Variants in ZNF536 observed in about 807,000 individuals in gnomAD.
ZNF536 encodes zinc finger protein 536.
In ZNF536, 13 loss-of-function variants were observed where a neutral mutation model predicts 84.5. The ratio of observed to expected loss-of-function variants is 0.15; its 90% confidence interval spans 0.10 to 0.24. The LOEUF (loss-of-function observed/expected upper bound fraction) is 0.24, where lower values mean the gene tolerates loss of function less well. Among genes scored for constraint, ZNF536 ranks in the 10% least tolerant of loss-of-function variants. The pLI, the probability that ZNF536 is intolerant of heterozygous loss-of-function variation, is 1.00. For missense variants in ZNF536, 1,536 were observed against 1,747.5 expected (o/e 0.88, Z 2.16); for synonymous variants, 811 against 742.5 (o/e 1.09, Z -1.50).
At chr19:30,315,157 A>C (rs1433162448) in intron 2 of ZNF536, among the ~76,000 whole-genome samples, 3 of 152,210 alleles carry the variant, frequency 2.0e-5, no homozygotes, top group African/African-American at 7.2e-5. Flanking sequence ...CAGCACCTAG[A>C]AGCTTGCTCA....
At chr19:30,229,606 G>A (rs1176811427) in intron 1 of ZNF536, among the ~76,000 whole-genome samples, 2 of 152,290 alleles carry the variant, frequency 1.3e-5, no homozygotes, top group African/African-American at 2.4e-5. Context: ...GGGAGTCGCA[G>A]GGGGTCGCCC....
intron 1 of ZNF536, among the ~76,000 whole-genome samples, chr19:30,639,140 A>C (rs2049175376): frequency 6.6e-6 from 1 of 152,176 alleles, no homozygotes; most frequent in Non-Finnish European, 1.5e-5. Context: ...TGTTCCTGGT[A>C]ATTTTTATCA....
chr19:30,349,725 C>G (rs1600332443), intron 2 of ZNF536, among the ~76,000 whole-genome samples: 1 of 152,104 alleles, frequency 6.6e-6, no homozygotes. Context: ...GCCTGTTACT[C>G]TGCTTGATTT....
At chr19:30,625,064 G>A (rs1474434384) in intron 1 of ZNF536, among the ~76,000 whole-genome samples, 2 of 152,182 alleles carry the variant, frequency 1.3e-5, no homozygotes, top group African/African-American at 2.4e-5. Context: ...CAGGTCTTGG[G>A]CAGTATCTTT....
chr19:30,653,816 G>A (rs895863734), intron 1 of ZNF536, among the ~76,000 whole-genome samples: 2 of 152,306 alleles, frequency 1.3e-5, no homozygotes, highest in Middle Eastern at 3.4e-3. Flanking sequence ...TGCAGACAGG[G>A]AAGTTAGACC....
At chr19:30,460,945 T>C (rs191318894) in intron 2 of ZNF536, among the ~76,000 whole-genome samples, 2 of 152,210 alleles carry the variant, frequency 1.3e-5, no homozygotes, top group East Asian at 3.9e-4. Flanking sequence ...CTTCCCCAGG[T>C]AGAAACAAGA....
intron 2 of ZNF536, among the ~76,000 whole-genome samples, chr19:30,522,267 A>ATGTGTATATATATATATATGTG (rs138930737): frequency 2.1e-5 from 2 of 95,438 alleles, no homozygotes; most frequent in African/African-American, 7.0e-5. Flanking sequence ...ATATACATAT[A>ATGTGTATATATATATATATGTG]TATATACATA....
intron 1 of ZNF536, among the ~76,000 whole-genome samples, chr19:30,627,808 G>T (rs533145625): frequency 6.6e-6 from 1 of 152,186 alleles, no homozygotes; most frequent in Admixed American, 6.5e-5. Flanking sequence ...GATGGGCGGA[G>T]GACCAGTGAG....
chr19:30,570,198 C>T (rs1003445743), intron 1 of ZNF536, among the ~76,000 whole-genome samples: 3 of 152,184 alleles, frequency 2.0e-5, no homozygotes, highest in African/African-American at 7.2e-5. Context: ...AAGTGGCGTG[C>T]CCTGCCATGC....
In ZNF536 at chr19:30,601,385, G is replaced by T. The variant is rs73028860; in HGVS notation, c.169+51871G>T. On this transcript the variant is annotated intron_variant, in intron 1 of 1. Transcript: ENST00000592773. ...AAAGTCCGTGTTCGTGAGTCACGTG[G>T]GCAGCAGATTCATGGCAGGATTAGG... Among the ~76,000 whole-genome samples, 1,001 of 152,264 alleles carry T rather than the reference G, an allele frequency of 6.6e-3. 9 individuals carry two copies. Among genetic ancestry groups the T allele is most frequent in the Non-Finnish European group, 9.6e-3 (656 of 68,018 alleles).
intron 2 of ZNF536, among the ~76,000 whole-genome samples, chr19:30,507,022 T>C (rs2055201658): frequency 6.6e-6 from 1 of 152,254 alleles, no homozygotes. Flanking sequence ...TCTTGTGATC[T>C]GCTTTTGCCA....
intron 3 of ZNF536, among the ~76,000 whole-genome samples, chr19:30,541,830 T>G (rs2045342912): frequency 6.6e-6 from 1 of 152,192 alleles, no homozygotes; most frequent in African/African-American, 2.4e-5. Context: ...GAGACACAGA[T>G]TGTCCCCTTC....
intron 1 of ZNF536, among the ~76,000 whole-genome samples, chr19:30,438,247 C>T (rs1184127400): frequency 6.6e-6 from 1 of 152,194 alleles, no homozygotes; most frequent in Non-Finnish European, 1.5e-5. Context: ...TCCCTCCCCT[C>T]TCTCCCTCCC....
At chr19:30,697,937 C>T (rs995243505) in intron 1 of ZNF536, among the ~76,000 whole-genome samples, 1 of 152,200 alleles carries the variant, frequency 6.6e-6, no homozygotes, top group African/African-American at 2.4e-5. Context: ...CAATCAAATC[C>T]ACTTTTAAAT....
At chr19:30,238,666 C>A (rs1410799062) in intron 1 of ZNF536, among the ~76,000 whole-genome samples, 4 of 152,036 alleles carry the variant, frequency 2.6e-5, no homozygotes, top group Non-Finnish European at 5.9e-5. Flanking sequence ...ATCTGTCTCT[C>A]TATCTATCTG....
At chr19:30,270,369 T>C (rs1001207140) in intron 1 of ZNF536, among the ~76,000 whole-genome samples, 1 of 152,216 alleles carries the variant, frequency 6.6e-6, no homozygotes, top group Non-Finnish European at 1.5e-5. Context: ...AAATAACTGA[T>C]TGACCTTTTT....
intron 1 of ZNF536, among the ~76,000 whole-genome samples, chr19:30,635,470 A>G (rs901735797): frequency 1.3e-5 from 2 of 152,172 alleles, no homozygotes; most frequent in African/African-American, 4.8e-5. Flanking sequence ...TCCCTGCCTG[A>G]GCCAGGGCTG....
At chr19:30,283,414 G>A (rs1327285041) in intron 1 of ZNF536, among the ~76,000 whole-genome samples, 1 of 152,224 alleles carries the variant, frequency 6.6e-6, no homozygotes, top group African/African-American at 2.4e-5. Flanking sequence ...CATGCCGTAG[G>A]AGGTGAGATC....
At chr19:30,247,166 A>G (rs1247674292) in intron 1 of ZNF536, among the ~76,000 whole-genome samples, 1 of 152,220 alleles carries the variant, frequency 6.6e-6, no homozygotes. Flanking sequence ...GGTGTGAATG[A>G]AAATAAGATA....
Sources: allele counts gnomAD v4.1 joint callset (sites outside exome capture counted in the v4.1 genomes callset), GRCh38; gene constraint gnomAD v4.1.1; transcripts MANE v1.5; gene names NCBI Gene and HGNC (gene_info 2026-07-23, HGNC 2026-07-21).